Variants in PRKCZ observed in about 807,000 individuals in gnomAD.
PRKCZ encodes protein kinase C zeta type.
A neutral mutation model predicts 79.5 loss-of-function variants in PRKCZ; 33 were observed. The observed-to-expected ratio is 0.41, with a 90% CI of 0.31 to 0.55. The LOEUF (loss-of-function observed/expected upper bound fraction) is 0.55. PRKCZ is among the 20% of genes least tolerant of loss of function. The probability of loss-of-function intolerance (pLI) is 0.19; values close to 1 mark genes in which losing one functional copy is unlikely to be tolerated. For missense variants in PRKCZ, 578 were observed against 813.5 expected (o/e 0.71, Z 3.52); for synonymous variants, 342 against 320.9 (o/e 1.07, Z -0.70).
chr1:2,131,233 G>A (rs991606380), intron 4 of PRKCZ, among the ~76,000 whole-genome samples: 27 of 152,346 alleles, frequency 1.8e-4, no homozygotes, highest in African/African-American at 5.3e-4. Context: ...GGCGGCACCC[G>A]TGAGCAGGCA....
chr1:2,067,541 G>A (rs1661222183), intron 4 of PRKCZ, among the ~76,000 whole-genome samples: 1 of 152,204 alleles, frequency 6.6e-6, no homozygotes, highest in African/African-American at 2.4e-5. Flanking sequence ...GGCCTCAGTG[G>A]TGTTGGGGTG....
At chr1:2,161,090 G>A (rs893641571) in intron 10 of PRKCZ, among the ~76,000 whole-genome samples, 1 of 152,218 alleles carries the variant, frequency 6.6e-6, no homozygotes, top group Non-Finnish European at 1.5e-5. Context: ...ACCCATCCGT[G>A]TGCTGGAGTC....
At chr1:2,066,664 C>T (rs1661149178) in intron 4 of PRKCZ, among the ~76,000 whole-genome samples, 1 of 152,182 alleles carries the variant, frequency 6.6e-6, no homozygotes, top group African/African-American at 2.4e-5. Flanking sequence ...TTATTATTCC[C>T]ATCCTTCTGC....
intron 4 of PRKCZ, among the ~76,000 whole-genome samples, chr1:2,117,155 G>T (rs139247990): frequency 0.012 from 1,863 of 152,170 alleles, 46 homozygotes; most frequent in African/African-American, 0.042. Context: ...TCCCTATGTT[G>T]CCCAGGCTGG....
chr1:2,091,289 G>C (rs760095095), intron 4 of PRKCZ, among the ~76,000 whole-genome samples: 4 of 152,300 alleles, frequency 2.6e-5, no homozygotes, highest in Non-Finnish European at 5.9e-5. Context: ...TGCCCGTCTT[G>C]GCCTCCCAAA....
intron 4 of PRKCZ, among the ~76,000 whole-genome samples, chr1:2,095,261 G>A (rs1666255207): frequency 6.6e-6 from 1 of 152,170 alleles, no homozygotes; most frequent in African/African-American, 2.4e-5. Context: ...CTCTGTAGGG[G>A]AGGGCCTGCC....
At position 2,174,101 on chromosome 1, in the gene PRKCZ, G is replaced by A. The variant is rs1421287357; in HGVS notation, c.1405+85G>A. ...AAAGGTGCAGGTGGAGGGGTCCCGC[G>A]GGTGCCTGGAGCGGCAGTGCCATGC... On this transcript the variant is annotated intron_variant, in intron 14 of 17. Transcript: ENST00000378567. This position sits in a 1 kb window ranked among gnomAD's most constrained non-coding sequence, Gnocchi z 6.2. The A allele has an allele frequency of 8.2e-6, 12 of 1,466,068 alleles. No individual in the cohort carries two copies. The highest frequency in any genetic ancestry group is 5.7e-5 in the African/African-American group (4 of 69,642). 90.8% of individuals were successfully genotyped at this position (1,466,068 alleles called of 1,614,324 possible). A position where few individuals can be genotyped will look rare whatever the true frequency, so the allele number is the denominator to read the frequency against.
intron 4 of PRKCZ, among the ~76,000 whole-genome samples, chr1:2,091,898 TC>T (rs1665576871): frequency 6.6e-6 from 1 of 152,218 alleles, no homozygotes; most frequent in Non-Finnish European, 1.5e-5. Context: ...TGTTTCTTTT[TC>T]TTTTACTTTC....
chr1:2,082,601 C>T lies in PRKCZ; in HGVS notation c.334+23010C>T, dbSNP rs1001282268. 6.8e-5 allele frequency: 25 copies of T among 369,908 alleles called. No individual in the cohort carries two copies. Among genetic ancestry groups the T allele is most frequent in the Non-Finnish European group, 1.0e-4 (19 of 187,594 alleles). The allele number at this position is 369,908 out of a possible 1,614,324, so 22.9% of individuals were successfully genotyped here. ...TTCCCTGGTGTAAATGCTCCCACCA[C>T]GGCCGATTTCAGGCTGCCGAAGTGG... On this transcript the variant is annotated intron_variant, in intron 4 of 17. Transcript: ENST00000378567. The surrounding 1 kb of genome is among the most constrained non-coding windows in gnomAD (Gnocchi z 4.4).
chr1:2,081,273 A>G (rs1663458489), intron 4 of PRKCZ, among the ~76,000 whole-genome samples: 1 of 147,228 alleles, frequency 6.8e-6, no homozygotes, highest in South Asian at 2.3e-4. Flanking sequence ...TCGCTTACTT[A>G]TTGCTCAGAT....
intron 1 of PRKCZ, among the ~76,000 whole-genome samples, chr1:2,055,197 C>T (rs2102211391): frequency 6.6e-6 from 1 of 151,712 alleles, no homozygotes; most frequent in South Asian, 2.1e-4. Flanking sequence ...CCGCCTCGGC[C>T]TCCCAAAGTG....
chr1:2,148,161 A>G (rs1175608144), intron 7 of PRKCZ, among the ~76,000 whole-genome samples: 1 of 139,286 alleles, frequency 7.2e-6, no homozygotes. Flanking sequence ...TTGTCCACTG[A>G]CCTGTCCACC....
At chr1:2,064,706 A>G (rs976945578) in intron 4 of PRKCZ, among the ~76,000 whole-genome samples, 1 of 152,098 alleles carries the variant, frequency 6.6e-6, no homozygotes, top group African/African-American at 2.4e-5. Flanking sequence ...CTTCTAGTCC[A>G]TTGGTCTCTG....
In PRKCZ at chr1:2,168,795, C is replaced by T. The variant is rs1401021073; in HGVS notation, c.975-723C>T. Reference sequence around the variant, plus strand: ...AACAATTCAGGTGCCAGAGGAGCCGCTGACCTAAAAAAACCCGCCACAGGG... The same window carrying T: ...AACAATTCAGGTGCCAGAGGAGCCGTTGACCTAAAAAAACCCGCCACAGGG... On this transcript the variant is annotated intron_variant, in intron 10 of 17. Coordinates refer to ENST00000378567, the MANE Select transcript of PRKCZ (RefSeq NM_002744.6). The surrounding 1 kb of genome is among the most constrained non-coding windows in gnomAD (Gnocchi z 4.7). 5.0e-6 allele frequency: 1 copy of T among 198,094 alleles called. No homozygotes were observed. Among genetic ancestry groups the T allele is most frequent in the Admixed American group, 5.4e-5 (1 of 18,498 alleles). 12.3% of individuals were successfully genotyped at this position (198,094 alleles called of 1,614,324 possible).
At chr1:2,114,723 G>A (rs1243404268) in intron 4 of PRKCZ, among the ~76,000 whole-genome samples, 2 of 152,050 alleles carry the variant, frequency 1.3e-5, no homozygotes, top group African/African-American at 4.8e-5. Context: ...GCAGTGGGCC[G>A]AGATCGTGCC....
chr1:2,126,579 C>G (rs1378169240), intron 4 of PRKCZ, among the ~76,000 whole-genome samples: 1 of 152,158 alleles, frequency 6.6e-6, no homozygotes, highest in East Asian at 1.9e-4. Flanking sequence ...CTGGGAAATG[C>G]CCTCATTTGA....
chr1:2,138,631 T>G (rs1283929422), intron 5 of PRKCZ, among the ~76,000 whole-genome samples: 1 of 150,128 alleles, frequency 6.7e-6, no homozygotes, highest in East Asian at 1.9e-4. Flanking sequence ...GGCAGGTGGA[T>G]TGAGGTTAAA....
chr1:2,184,184 C>T (rs949727633), intron 16 of PRKCZ: 1 of 192,902 alleles, frequency 5.2e-6, no homozygotes, highest in African/African-American at 2.4e-5. Flanking sequence ...AGTGCCAGCG[C>T]AGGCAGGGTG....
chr1:2,138,076 T>A (rs1235976824), intron 5 of PRKCZ, among the ~76,000 whole-genome samples: 1 of 152,218 alleles, frequency 6.6e-6, no homozygotes, highest in Non-Finnish European at 1.5e-5. Context: ...CCGCTCCATG[T>A]AGTGCTCACT....
Sources: gnomAD v4.1 joint callset for allele counts (sites outside exome capture counted in the v4.1 genomes callset) on GRCh38, gnomAD v4.1.1 for gene constraint, Gnocchi (gnomAD v3.1) non-coding constraint, MANE v1.5 for transcripts, NCBI Gene and HGNC (gene_info 2026-07-23, HGNC 2026-07-21) for gene names.